STX8: variants seen among roughly 807,000 people sequenced by gnomAD.
STX8 encodes the protein syntaxin 8.
In STX8, 23 loss-of-function variants were observed where a neutral mutation model predicts 37.5. The ratio of observed to expected loss-of-function variants is 0.61; its 90% confidence interval spans 0.44 to 0.87. The LOEUF is 0.87. Ranked by LOEUF, STX8 falls within the 40% of genes least tolerant of loss-of-function variation. The probability of loss-of-function intolerance (pLI) is 0.00; values close to 1 mark genes in which losing one functional copy is unlikely to be tolerated. For missense variants in STX8, 313 were observed against 284.7 expected (o/e 1.10, Z -0.71); for synonymous variants, 115 against 99.1 (o/e 1.16, Z -0.95).
At chr17:9,427,422 C>T (rs1009145043) in intron 6 of STX8, among the ~76,000 whole-genome samples, 4 of 152,106 alleles carry the variant, frequency 2.6e-5, no homozygotes, top group African/African-American at 4.8e-5. Flanking sequence ...AAATCCATGT[C>T]GGTATTTCTG....
At chr17:9,284,060 A>G (rs1045690676) in intron 7 of STX8, among the ~76,000 whole-genome samples, 1 of 152,216 alleles carries the variant, frequency 6.6e-6, no homozygotes, top group African/African-American at 2.4e-5. Flanking sequence ...GTTTCATGTC[A>G]TGATCGTTTA....
intron 2 of STX8, among the ~76,000 whole-genome samples, chr17:9,559,728 A>ATT (rs1907126946): frequency 1.3e-5 from 1 of 79,224 alleles, no homozygotes; most frequent in African/African-American, 4.9e-5. Flanking sequence ...AAAGATTATT[A>ATT]TTATTTTATA....
At chr17:9,310,850 A>G (rs901238928) in intron 7 of STX8, among the ~76,000 whole-genome samples, 1 of 152,236 alleles carries the variant, frequency 6.6e-6, no homozygotes, top group African/African-American at 2.4e-5. Context: ...CTTGGAAGAC[A>G]GTAGAGAACA....
intron 7 of STX8, among the ~76,000 whole-genome samples, chr17:9,357,697 A>AAAAAT (rs1000346334): frequency 1.6e-4 from 24 of 152,244 alleles, no homozygotes; most frequent in African/African-American, 5.8e-4. Flanking sequence ...TCTGTCTCAA[A>AAAAAT]AAAATAAAAT....
intron 7 of STX8, among the ~76,000 whole-genome samples, chr17:9,362,002 T>C: frequency 6.6e-6 from 1 of 152,172 alleles, no homozygotes; most frequent in East Asian, 1.9e-4. Context: ...GGGAACTTAT[T>C]CAAAAAATTT....
At position 9,487,424 on chromosome 17, in the gene STX8, C is replaced by A. The variant is rs544154461; in HGVS notation, c.541+4405G>T. 1.2e-3 allele frequency among the ~76,000 whole-genome samples: 177 copies of A among 152,228 alleles called. 1 individual carries two copies. The highest frequency in any genetic ancestry group is 2.1e-3 in the Non-Finnish European group (145 of 68,014). ...TGGGGCTGCAGCCCCATTCTTAACA[C>A]CTACAGCTATCATGGCCTTTTTTCG... is the stretch of plus-strand genomic sequence containing the variant. On this transcript the variant is annotated intron_variant, in intron 6 of 7. Transcript: ENST00000306357.
chr17:9,337,518 C>G (rs571432965), intron 7 of STX8, among the ~76,000 whole-genome samples: 1 of 152,314 alleles, frequency 6.6e-6, no homozygotes, highest in South Asian at 2.1e-4. Flanking sequence ...AGGCACACGC[C>G]ACCATGCCCC....
At chr17:9,561,655 C>T (rs961963234) in intron 2 of STX8, among the ~76,000 whole-genome samples, 6 of 107,298 alleles carry the variant, frequency 5.6e-5, no homozygotes, top group African/African-American at 2.2e-4. Context: ...AAGCAAAACT[C>T]CATCTGGCCA....
At chr17:9,418,889 A>AT (rs1301774171) in intron 6 of STX8, among the ~76,000 whole-genome samples, 1 of 131,114 alleles carries the variant, frequency 7.6e-6, no homozygotes, top group African/African-American at 2.8e-5. Context: ...GAATGCTTTC[A>AT]TTTTTTGCCC....
chr17:9,383,544 A>AT (rs561271990), intron 6 of STX8, among the ~76,000 whole-genome samples: 73 of 152,304 alleles, frequency 4.8e-4, no homozygotes, highest in African/African-American at 1.5e-3. Flanking sequence ...AACATGGAAC[A>AT]TTTTTTATCT....
chr17:9,337,674 G>A (rs972409492), intron 7 of STX8, among the ~76,000 whole-genome samples: 5 of 152,146 alleles, frequency 3.3e-5, no homozygotes, highest in South Asian at 2.1e-4. Flanking sequence ...GCCAGAACCT[G>A]CGTATTAACA....
chr17:9,536,937 G>A lies in STX8; in HGVS notation c.323+8235C>T, dbSNP rs139747833. 2.0e-4 allele frequency among the ~76,000 whole-genome samples: 31 copies of A among 152,014 alleles called. 1 individual carries two copies. In the East Asian group the frequency reaches 5.4e-3, roughly 27 times the overall value. ...TTTTTTTATTATTTTTAGTAGAGAC[G>A]GGGTTTCACCATGTTGGCCAGGCTG... On this transcript the variant is annotated intron_variant, in intron 4 of 7. Coordinates refer to ENST00000306357, the MANE Select transcript of STX8 (RefSeq NM_004853.3).
chr17:9,318,237 C>A (rs1175980974), intron 7 of STX8, among the ~76,000 whole-genome samples: 2 of 152,290 alleles, frequency 1.3e-5, no homozygotes, highest in East Asian at 3.9e-4. Flanking sequence ...TCATCATTTA[C>A]ATGAGATATT....
intron 6 of STX8, among the ~76,000 whole-genome samples, chr17:9,488,800 A>AAGAGAGAGAG (rs201248571): frequency 3.6e-5 from 5 of 140,790 alleles, no homozygotes; most frequent in Admixed American, 1.4e-4. Flanking sequence ...TTAAGAGAGA[A>AAGAGAGAGAG]AGAGAGAGAG....
rs564052145 is a variant in STX8, at chr17:9,460,323, G to T, written c.541+31506C>A. ...TTACTATCACTCCCATTCCTTTCTG[G>T]GGGAAGGAGGTAGATAAGCACAGTC... On this transcript the variant is annotated intron_variant, in intron 6 of 7. Coordinates refer to ENST00000306357, the MANE Select transcript of STX8 (RefSeq NM_004853.3). Among the ~76,000 whole-genome samples, 11 of 152,160 alleles carry T rather than the reference G, an allele frequency of 7.2e-5. No individual in the cohort carries two copies. In the East Asian group the frequency reaches 1.9e-3, roughly 27 times the overall value.
intron 4 of STX8, among the ~76,000 whole-genome samples, chr17:9,542,343 GCAAAACTCCGTCT>G (rs1301471663): frequency 1.3e-5 from 2 of 151,402 alleles, no homozygotes; most frequent in African/African-American, 4.9e-5. Flanking sequence ...GGGTGACACA[GCAAAACTCCGTCT>G]CAAAAACAAA....
chr17:9,311,689 C>G (rs148102526), intron 7 of STX8, among the ~76,000 whole-genome samples: 1 of 152,132 alleles, frequency 6.6e-6, no homozygotes, highest in African/African-American at 2.4e-5. Context: ...ATCACTGAAC[C>G]TTTCTGTGCT....
intron 7 of STX8, among the ~76,000 whole-genome samples, chr17:9,282,300 T>A (rs1023099099): frequency 6.6e-6 from 1 of 152,046 alleles, no homozygotes; most frequent in African/African-American, 2.4e-5. Context: ...GCCCAGCTAA[T>A]TTTTTGTATT....
intron 7 of STX8, among the ~76,000 whole-genome samples, chr17:9,270,471 G>A (rs1567761840): frequency 6.6e-6 from 1 of 151,816 alleles, no homozygotes; most frequent in Non-Finnish European, 1.5e-5. Context: ...AGCCAGGAAT[G>A]GTCTGATCTC....
Sources: gnomAD v4.1 joint callset for allele counts (sites outside exome capture counted in the v4.1 genomes callset) on GRCh38, gnomAD v4.1.1 for gene constraint, MANE v1.5 for transcripts, NCBI Gene and HGNC (gene_info 2026-07-23, HGNC 2026-07-21) for gene names.